Variants in LRP1B observed in about 807,000 individuals in gnomAD.
LRP1B encodes the protein LDL receptor related protein 1B.
LRP1B carries 217 observed loss-of-function variants against 556.6 expected under a neutral mutation model. The ratio of observed to expected loss-of-function variants is 0.39; its 90% CI spans 0.35 to 0.44. The LOEUF is 0.44. Ranked by LOEUF, LRP1B falls within the 20% of genes least tolerant of loss-of-function variation. The pLI, the probability that LRP1B is intolerant of heterozygous loss-of-function variation, is 1.00. For synonymous variants in LRP1B, 2,047 were observed against 1,865.8 expected (o/e 1.10, Z -2.50); for missense variants, 5,053 against 5,620.8 (o/e 0.90, Z 3.23).
intron 1 of LRP1B, among the ~76,000 whole-genome samples, chr2:141,896,585 A>C (rs1699458592): frequency 6.6e-6 from 1 of 152,190 alleles, no homozygotes; most frequent in Non-Finnish European, 1.5e-5. Context: ...TGGATGGAAC[A>C]TGATAAGTCC....
chr2:141,446,157 C>A (rs111754110), intron 3 of LRP1B, among the ~76,000 whole-genome samples: 1 of 152,140 alleles, frequency 6.6e-6, no homozygotes, highest in Non-Finnish European at 1.5e-5. Flanking sequence ...GAATTGATCC[C>A]TTTACCATTA....
intron 41 of LRP1B, among the ~76,000 whole-genome samples, chr2:140,669,752 C>A (rs1489225221): frequency 6.6e-6 from 1 of 151,874 alleles, no homozygotes; most frequent in East Asian, 1.9e-4. Flanking sequence ...AATTTAGGAA[C>A]TGGAGTTTAA....
chr2:141,074,335 G>GT (rs1288486647), intron 7 of LRP1B, among the ~76,000 whole-genome samples: 1 of 151,978 alleles, frequency 6.6e-6, no homozygotes, highest in Non-Finnish European at 1.5e-5. Flanking sequence ...GATCTTTTCT[G>GT]TTTTTCCAAT....
At chr2:140,675,606 AC>A (rs1204370799) in intron 41 of LRP1B, among the ~76,000 whole-genome samples, 1 of 151,720 alleles carries the variant, frequency 6.6e-6, no homozygotes, top group Non-Finnish European at 1.5e-5. Context: ...TTTTGCCTCT[AC>A]AAAAGTTAAA....
At chr2:142,013,307 TAAGCAAAACTA>T (rs1703013133) in intron 1 of LRP1B, among the ~76,000 whole-genome samples, 1 of 152,128 alleles carries the variant, frequency 6.6e-6, no homozygotes, top group Non-Finnish European at 1.5e-5. Context: ...TAAAACTGTA[TAAGCAAAACTA>T]AAGCAATGAG....
chr2:140,582,527 C>G (rs1009775383), intron 43 of LRP1B, among the ~76,000 whole-genome samples: 2 of 152,172 alleles, frequency 1.3e-5, no homozygotes, highest in African/African-American at 4.8e-5. Flanking sequence ...GCTGATAAAA[C>G]CGTGAGGGAA....
rs147173816 is a variant in LRP1B, at chr2:141,093,522, A to G, written c.1014-31249T>C. Among the ~76,000 whole-genome samples, 250 of 152,270 alleles carry G rather than the reference A, an allele frequency of 1.6e-3. 1 individual carries two copies. The highest frequency in any genetic ancestry group is 5.7e-3 in the African/African-American group (239 of 41,582). On this transcript the variant is annotated intron_variant, in intron 7 of 90. Coordinates refer to ENST00000389484, the MANE Select transcript of LRP1B (RefSeq NM_018557.3). ...CAATTTAAAATGAGAACAGTGAAAC[A>G]CTGTTGTGTTTTGCTTGCTGTTTGT...
chr2:140,700,595 C>T lies in LRP1B; in HGVS notation c.6454G>A (p.Gly2152Ser), dbSNP rs1274501007. Residue 2152 changes from glycine (G) to serine (S), a missense_variant, in exon 41 of 91, where the codon GGT (glycine) becomes AGT (serine). Gly to Ser is a moderately conservative substitution (Grantham distance 56, BLOSUM62 0). Coordinates refer to ENST00000389484, the MANE Select transcript of LRP1B (RefSeq NM_018557.3). ...KGTNVCARDN[G>S]GCKQLCLYRG... ...TAAAGACAGAGTTGCTTACAGCCAC[C>T]ATTGTCCCTGGCACAAACATTGGTC... The T allele has an allele frequency of 6.2e-7, 1 of 1,613,494 alleles. No individual in the cohort carries two copies.
At chr2:140,967,329 ATTTGG>A (rs1696258515) in intron 18 of LRP1B, among the ~76,000 whole-genome samples, 3 of 59,598 alleles carry the variant, frequency 5.0e-5, no homozygotes, top group African/African-American at 1.2e-4. Context: ...TTCACTCACG[ATTTGG>A]CTCTCTGTCT....
rs552198107 is a variant in LRP1B, at chr2:141,896,490, C to A, written c.83-86089G>T. On this transcript the variant is annotated intron_variant, in intron 1 of 90. Coordinates refer to ENST00000389484, the MANE Select transcript of LRP1B (RefSeq NM_018557.3). ...TATACATGTTTATGTACTAAATGAC[C>A]CAATTGCCCCATATGTCATTTTTCT... is the stretch of plus-strand genomic sequence containing the variant. 6.6e-5 allele frequency among the ~76,000 whole-genome samples: 10 copies of A among 152,094 alleles called. No homozygotes were observed. The East Asian group carries it at 1.9e-3, about 29-fold the overall frequency.
At chr2:140,281,929 G>T (rs2104966994) in intron 84 of LRP1B, among the ~76,000 whole-genome samples, 1 of 151,648 alleles carries the variant, frequency 6.6e-6, no homozygotes, top group Non-Finnish European at 1.5e-5. Context: ...AGAATTTCCA[G>T]AGCAACCAAC....
At chr2:142,033,827 T>C (rs1239826232) in intron 1 of LRP1B, among the ~76,000 whole-genome samples, 1 of 151,810 alleles carries the variant, frequency 6.6e-6, no homozygotes, top group Non-Finnish European at 1.5e-5. Context: ...TCTATAATAA[T>C]AATTCTCTTT....
intron 3 of LRP1B, among the ~76,000 whole-genome samples, chr2:141,320,810 C>T (rs1180986378): frequency 6.6e-6 from 1 of 152,030 alleles, no homozygotes; most frequent in African/African-American, 2.4e-5. Flanking sequence ...CAACTACACC[C>T]ACTCCTTCAT....
intron 1 of LRP1B, among the ~76,000 whole-genome samples, chr2:142,103,525 G>C (rs1706639833): frequency 6.6e-6 from 1 of 151,834 alleles, no homozygotes; most frequent in African/African-American, 2.4e-5. Context: ...GACACACTTT[G>C]AGTTTAAAGT....
chr2:140,558,810 C>A (rs1680826470), intron 43 of LRP1B, among the ~76,000 whole-genome samples: 1 of 151,682 alleles, frequency 6.6e-6, no homozygotes, highest in Non-Finnish European at 1.5e-5. Context: ...GTGCCATGTG[C>A]CTGTAGTTCC....
chr2:140,761,490 T>G (rs755602535), intron 35 of LRP1B, among the ~76,000 whole-genome samples: 6 of 152,180 alleles, frequency 3.9e-5, no homozygotes, highest in African/African-American at 7.2e-5. Context: ...ATATCATTTC[T>G]GAGATTGGGT....
At chr2:141,280,897 A>G (rs1156801633) in intron 3 of LRP1B, among the ~76,000 whole-genome samples, 1 of 151,964 alleles carries the variant, frequency 6.6e-6, no homozygotes, top group Non-Finnish European at 1.5e-5. Context: ...CCATATTTGT[A>G]TTCAGGCCTT....
intron 9 of LRP1B, among the ~76,000 whole-genome samples, chr2:141,056,485 T>G (rs949173005): frequency 6.6e-6 from 1 of 151,822 alleles, no homozygotes; most frequent in Non-Finnish European, 1.5e-5. Context: ...TACAATTCTT[T>G]TCCTTCTTCT....
intron 11 of LRP1B, among the ~76,000 whole-genome samples, chr2:141,024,743 T>G (rs1191687656): frequency 6.6e-6 from 1 of 152,004 alleles, no homozygotes; most frequent in African/African-American, 2.4e-5. Flanking sequence ...ATTTTATTAC[T>G]CATGGCACAA....
Sources: allele counts gnomAD v4.1 joint callset (sites outside exome capture counted in the v4.1 genomes callset), GRCh38; gene constraint gnomAD v4.1.1; transcripts MANE v1.5; gene names NCBI Gene and HGNC (gene_info 2026-07-23, HGNC 2026-07-21).